The following DSCAM variants were observed in gnomAD, a reference collection of about 807,000 sequenced individuals.
DSCAM encodes the protein cell adhesion molecule DSCAM.
DSCAM carries 47 observed loss-of-function variants against 217.7 expected under a neutral mutation model. The observed-to-expected ratio is 0.22, with a 90% CI of 0.17 to 0.28. The LOEUF (loss-of-function observed/expected upper bound fraction) is 0.28, where lower values mean the gene tolerates loss of function less well. DSCAM is among the 10% of genes least tolerant of loss of function. The probability of loss-of-function intolerance (pLI) is 1.00; values close to 1 mark genes in which losing one functional copy is unlikely to be tolerated. For missense variants in DSCAM, 2,080 were observed against 2,618.3 expected, an observed-to-expected ratio of 0.79 and a Z score of 4.49; for synonymous variants, 1,056 against 1,015.3, an observed-to-expected ratio of 1.04 and a Z score of -0.76.
intron 3 of DSCAM, among the ~76,000 whole-genome samples, chr21:40,446,901 C>G (rs1355966238): frequency 6.6e-6 from 1 of 152,140 alleles, no homozygotes; most frequent in African/African-American, 2.4e-5. Flanking sequence ...GCCCCAAATG[C>G]AGCAAAGATG....
At chr21:40,382,998 T>C (rs1453123332) in intron 3 of DSCAM, 1 of 152,162 alleles carries the variant, frequency 6.6e-6, no homozygotes, top group Non-Finnish European at 1.5e-5. Context: ...ACAGTGTCAG[T>C]TGGATATACG....
At chr21:40,518,136 T>C (rs1180157631) in intron 3 of DSCAM, among the ~76,000 whole-genome samples, 1 of 150,326 alleles carries the variant, frequency 6.7e-6, no homozygotes, top group African/African-American at 2.4e-5. Flanking sequence ...TACTGAGTAT[T>C]CCTAAACACA....
intron 1 of DSCAM, among the ~76,000 whole-genome samples, chr21:40,752,782 G>C (rs2091241572): frequency 6.6e-6 from 1 of 152,128 alleles, no homozygotes. Context: ...TAAAAAGCGG[G>C]GAGTAAAGAA....
chr21:40,638,332 C>T (rs2089834335), intron 3 of DSCAM, among the ~76,000 whole-genome samples: 1 of 152,124 alleles, frequency 6.6e-6, no homozygotes, highest in Non-Finnish European at 1.5e-5. Context: ...TATCAGTGAA[C>T]CATGCATAAC....
At chr21:40,620,382 G>GAGAGAGAAA (rs2089492453) in intron 3 of DSCAM, among the ~76,000 whole-genome samples, 2 of 89,916 alleles carry the variant, frequency 2.2e-5, no homozygotes, top group Middle Eastern at 5.7e-3. Flanking sequence ...AAGAAAGAAA[G>GAGAGAGAAA]AAAGAGAAAG....
chr21:40,281,086 A>G (rs900859405), intron 10 of DSCAM, among the ~76,000 whole-genome samples: 2 of 146,308 alleles, frequency 1.4e-5, no homozygotes, highest in African/African-American at 5.1e-5. Context: ...TAAGCCACAC[A>G]TGCATTCCAG....
At chr21:40,741,722 G>GCCCC in intron 1 of DSCAM, among the ~76,000 whole-genome samples, 1 of 152,192 alleles carries the variant, frequency 6.6e-6, no homozygotes, top group Non-Finnish European at 1.5e-5. Context: ...GCCCCATCCA[G>GCCCC]ATGAAATAAA....
intron 20 of DSCAM, among the ~76,000 whole-genome samples, chr21:40,117,423 C>T (rs1601348123): frequency 6.6e-6 from 1 of 152,168 alleles, no homozygotes; most frequent in Non-Finnish European, 1.5e-5. Flanking sequence ...GGACAAAGAG[C>T]TCAGCCCGCT....
chr21:40,599,273 T>A (rs946096482), intron 3 of DSCAM, among the ~76,000 whole-genome samples: 2 of 152,176 alleles, frequency 1.3e-5, no homozygotes, highest in African/African-American at 4.8e-5. Context: ...GTTACATAGG[T>A]GTACATGTAC....
At chr21:40,558,466 A>AG (rs2076690374) in intron 3 of DSCAM, among the ~76,000 whole-genome samples, 1 of 151,432 alleles carries the variant, frequency 6.6e-6, no homozygotes, top group East Asian at 1.9e-4. Context: ...AAAAAAAAAA[A>AG]TTATCTAAGT....
At position 40,227,220 on chromosome 21, in the gene DSCAM, G is replaced by A. The variant is rs1022337802; in HGVS notation, c.2357-37982C>T. On this transcript the variant is annotated intron_variant, in intron 11 of 32. Coordinates refer to ENST00000400454, the MANE Select transcript of DSCAM (RefSeq NM_001389.5). ...GATAAAATGTGTCATGGTTGACTCTGGCCCATTCTGAAGCCACATTCCTGA... is the reference window on the plus strand; with the variant it reads ...GATAAAATGTGTCATGGTTGACTCTAGCCCATTCTGAAGCCACATTCCTGA... 2.6e-5 allele frequency among the ~76,000 whole-genome samples: 4 copies of A among 152,100 alleles called. No individual in the cohort carries two copies. In the East Asian group the frequency reaches 5.8e-4, roughly 22 times the overall value.
rs1270020008 is a variant in DSCAM at position 40,452,865 on chromosome 21, C to T, written c.509-83620G>A. Among the ~76,000 whole-genome samples, 5 of 152,026 alleles carry T rather than the reference C, an allele frequency of 3.3e-5. No individual in the cohort carries two copies. The East Asian group carries it at 5.8e-4, about 18-fold the overall frequency. On this transcript the variant is annotated intron_variant, in intron 3 of 32. Transcript: ENST00000400454. ...GGAAAATAGGGAAATCTGTAAAATT[C>T]TGGCTTGGGCTGAAATCAGTAGTTT...
intron 8 of DSCAM, among the ~76,000 whole-genome samples, chr21:40,313,792 G>T (rs932492394): frequency 6.6e-5 from 10 of 151,984 alleles, no homozygotes; most frequent in African/African-American, 2.2e-4. Context: ...GAAAGAAAAA[G>T]GTTTATTTGT....
chr21:40,617,484 AC>A (rs1187795678), intron 3 of DSCAM, among the ~76,000 whole-genome samples: 1 of 151,320 alleles, frequency 6.6e-6, no homozygotes, highest in African/African-American at 2.4e-5. Flanking sequence ...GCCACAATCT[AC>A]CCCCTCCCAG....
intron 1 of DSCAM, among the ~76,000 whole-genome samples, chr21:40,846,184 CA>C (rs1437417863): frequency 1.3e-5 from 2 of 152,062 alleles, no homozygotes; most frequent in African/African-American, 4.8e-5. Context: ...TGAAAAATCT[CA>C]AAAAGCATTG....
intron 1 of DSCAM, among the ~76,000 whole-genome samples, chr21:40,752,704 C>A (rs1317522952): frequency 6.6e-6 from 1 of 151,920 alleles, no homozygotes; most frequent in Non-Finnish European, 1.5e-5. Context: ...AACAACAACA[C>A]AAATAGTGTT....
chr21:40,021,058 G>T (rs116994069), intron 32 of DSCAM, among the ~76,000 whole-genome samples: 1 of 151,696 alleles, frequency 6.6e-6, no homozygotes, highest in Non-Finnish European at 1.5e-5. Flanking sequence ...GAATAAGGCT[G>T]GGGGGGTGTG....
intron 3 of DSCAM, among the ~76,000 whole-genome samples, chr21:40,474,598 G>A (rs983796247): frequency 2.0e-5 from 3 of 152,080 alleles, no homozygotes; most frequent in Admixed American, 6.5e-5. Flanking sequence ...TGGGGCTCCC[G>A]CAGAGCAGAG....
At chr21:40,654,838 C>G (rs1266307371) in intron 3 of DSCAM, among the ~76,000 whole-genome samples, 1 of 152,104 alleles carries the variant, frequency 6.6e-6, no homozygotes, top group African/African-American at 2.4e-5. Flanking sequence ...CTGCAAAATC[C>G]TTTTTGCCAT....
Sources: gnomAD v4.1 joint callset for allele counts (sites outside exome capture counted in the v4.1 genomes callset) on GRCh38, gnomAD v4.1.1 for gene constraint, MANE v1.5 for transcripts, NCBI Gene and HGNC (gene_info 2026-07-23, HGNC 2026-07-21) for gene names.